RHEB: variants seen among roughly 807,000 people sequenced by gnomAD.
The protein encoded by RHEB is Ras homolog, mTORC1 binding, also known as GTP-binding protein Rheb.
RHEB carries 2 observed loss-of-function variants against 28.8 expected under a neutral mutation model. The observed-to-expected ratio is 0.07, with a 90% CI of 0.03 to 0.22. The LOEUF (loss-of-function observed/expected upper bound fraction) is 0.22, where lower values mean the gene tolerates loss of function less well. Among genes scored for constraint, RHEB ranks in the 10% least tolerant of loss-of-function variants. The pLI is 1.00. For synonymous variants in RHEB, 69 were observed against 77.3 expected (o/e 0.89, Z 0.56); for missense variants, 76 against 219.9 (o/e 0.35, Z 4.14).
At chr7:151,512,045 C>T (rs780515674) in intron 1 of RHEB, among the ~76,000 whole-genome samples, 9 of 152,156 alleles carry the variant, frequency 5.9e-5, no homozygotes, top group African/African-American at 2.2e-4. Flanking sequence ...GAAGATAGAC[C>T]GTGAGTACTG....
At chr7:151,481,064 C>A (rs1013670075) in intron 3 of RHEB, among the ~76,000 whole-genome samples, 1 of 151,840 alleles carries the variant, frequency 6.6e-6, no homozygotes, top group Admixed American at 6.6e-5. Context: ...ATATAAATAA[C>A]TCCCACAAGC....
chr7:151,488,698 A>C (rs530001221), intron 2 of RHEB, among the ~76,000 whole-genome samples: 1 of 152,356 alleles, frequency 6.6e-6, no homozygotes, highest in East Asian at 1.9e-4. Context: ...ACAGACTTTA[A>C]TAAACAAGTA....
chr7:151,512,034 C>T (rs1022771190), intron 1 of RHEB, among the ~76,000 whole-genome samples: 1 of 152,138 alleles, frequency 6.6e-6, no homozygotes, highest in Non-Finnish European at 1.5e-5. Flanking sequence ...AATGACGTGA[C>T]GAAGATAGAC....
chr7:151,513,616 C>T (rs1803028167), intron 1 of RHEB, among the ~76,000 whole-genome samples: 1 of 152,152 alleles, frequency 6.6e-6, no homozygotes. Flanking sequence ...AGATCCATTC[C>T]AAGTATAAAG....
chr7:151,498,759 C>G (rs1401411815), intron 1 of RHEB, among the ~76,000 whole-genome samples: 1 of 152,176 alleles, frequency 6.6e-6, no homozygotes, highest in Non-Finnish European at 1.5e-5. Context: ...TTACTTAAAC[C>G]TCTACCTAGT....
chr7:151,509,564 T>C (rs943226125), intron 1 of RHEB, among the ~76,000 whole-genome samples: 3 of 152,116 alleles, frequency 2.0e-5, no homozygotes. Context: ...GTCCTCTTCA[T>C]CTCATCTACT....
intron 1 of RHEB, among the ~76,000 whole-genome samples, chr7:151,506,806 G>A (rs1584866422): frequency 6.6e-6 from 1 of 152,130 alleles, no homozygotes; most frequent in Non-Finnish European, 1.5e-5. Flanking sequence ...TACAGTCAAC[G>A]CTGGGCTCAC....
intron 1 of RHEB, among the ~76,000 whole-genome samples, chr7:151,506,188 CTTT>C (rs574892432): frequency 1.0e-4 from 14 of 139,804 alleles, no homozygotes; most frequent in Admixed American, 1.4e-4. Flanking sequence ...AATGCATTTA[CTTT>C]TTTTTTTTTT....
At chr7:151,486,769 G>A (rs746081393) in intron 2 of RHEB, among the ~76,000 whole-genome samples, 26 of 152,164 alleles carry the variant, frequency 1.7e-4, no homozygotes, top group South Asian at 2.1e-4. Flanking sequence ...GGGTGACACT[G>A]GCCTGGATTA....
At chr7:151,476,651 A>G (rs908237769) in intron 4 of RHEB, among the ~76,000 whole-genome samples, 14 of 152,248 alleles carry the variant, frequency 9.2e-5, no homozygotes, top group African/African-American at 3.4e-4. Context: ...CATGTCGCAC[A>G]CACTCAATAG....
chr7:151,511,197 C>T (rs1174564823), intron 1 of RHEB, among the ~76,000 whole-genome samples: 2 of 152,086 alleles, frequency 1.3e-5, no homozygotes, highest in Non-Finnish European at 2.9e-5. Flanking sequence ...CTGTAAAAGC[C>T]CATATTTGCA....
At chr7:151,509,015 T>C (rs542856853) in intron 1 of RHEB, among the ~76,000 whole-genome samples, 22 of 152,166 alleles carry the variant, frequency 1.4e-4, no homozygotes, top group Non-Finnish European at 2.6e-4. Flanking sequence ...ATAAAACATA[T>C]TCACACATTT....
intron 1 of RHEB, among the ~76,000 whole-genome samples, chr7:151,510,073 A>G (rs1431322369): frequency 1.3e-5 from 2 of 152,344 alleles, no homozygotes; most frequent in Non-Finnish European, 2.9e-5. Flanking sequence ...CTTTTCACAG[A>G]GCAGACAAAA....
chr7:151,503,712 C>T (rs907261008), intron 1 of RHEB, among the ~76,000 whole-genome samples: 2 of 152,034 alleles, frequency 1.3e-5, no homozygotes, highest in African/African-American at 4.8e-5. Context: ...AAACAAGAAT[C>T]CCAGTTTTTA....
intron 4 of RHEB, 89 bp from the exon 5 acceptor site, chr7:151,471,694 T>C (rs907703651): frequency 4.9e-5 from 39 of 801,526 alleles, no homozygotes; most frequent in Non-Finnish European, 6.8e-5. Context: ...AAATGTAAAA[T>C]GTCACAGACT....
chr7:151,494,391 T>C (rs1802640098), intron 1 of RHEB, among the ~76,000 whole-genome samples: 1 of 152,142 alleles, frequency 6.6e-6, no homozygotes, highest in Non-Finnish European at 1.5e-5. Context: ...GAAGCCACAT[T>C]TGAACAGAAA....
chr7:151,491,606 G>A (rs1044446214), intron 1 of RHEB, among the ~76,000 whole-genome samples: 8 of 151,924 alleles, frequency 5.3e-5, no homozygotes, highest in Admixed American at 2.6e-4. Context: ...GTGTGGTGGC[G>A]GGCACCTGTA....
intron 1 of RHEB, chr7:151,498,142 A>G (rs1410495901): frequency 7.8e-7 from 1 of 1,289,624 alleles, no homozygotes; most frequent in Non-Finnish European, 1.0e-6. Context: ...GAACTATAAC[A>G]CCACTCACAA....
In RHEB at chr7:151,468,708, C is replaced by T. The variant is rs1263189877; in HGVS notation, c.463-1497G>A. Among the ~76,000 whole-genome samples the T allele has an allele frequency of 6.6e-6, 1 of 152,246 alleles. No homozygotes were observed. Among genetic ancestry groups the T allele is most frequent in the African/African-American group, 2.4e-5 (1 of 41,466 alleles). On this transcript the variant is annotated intron_variant, in intron 7 of 7. Transcript: ENST00000262187. This position sits in a 1 kb window ranked among gnomAD's most constrained non-coding sequence, Gnocchi z 4.3. ...ACCCACCCACTTGAATGTGGGCTCC[C>T]ATCCTCAGCCTTCTGTCCTGTTGGT...
Sources: allele counts gnomAD v4.1 joint callset (sites outside exome capture counted in the v4.1 genomes callset), GRCh38; gene constraint gnomAD v4.1.1; non-coding constraint Gnocchi (gnomAD v3.1); transcripts MANE v1.5; gene names NCBI Gene and HGNC (gene_info 2026-07-23, HGNC 2026-07-21).